Variants in SH3RF2 observed in about 807,000 individuals in gnomAD.
The protein encoded by SH3RF2 is E3 ubiquitin-protein ligase SH3RF2.
In SH3RF2, 43 loss-of-function variants were observed where a neutral mutation model predicts 59.0. The ratio of observed to expected loss-of-function variants is 0.73; its 90% CI spans 0.57 to 0.94. SH3RF2 has a LOEUF of 0.94. Among genes scored for constraint, SH3RF2 ranks in the 40% least tolerant of loss-of-function variants. The pLI is 0.00. For synonymous variants in SH3RF2, 391 were observed against 391.5 expected, an observed-to-expected ratio of 1.00 and a Z score of 0.01; for missense variants, 930 against 940.1, an observed-to-expected ratio of 0.99 and a Z score of 0.14.
chr5:145,957,252 A>C (rs1183063043), intron 2 of SH3RF2, among the ~76,000 whole-genome samples: 17 of 152,210 alleles, frequency 1.1e-4, no homozygotes, highest in Non-Finnish European at 2.9e-5. Context: ...TAATATATAA[A>C]AACAAACAAG....
chr5:145,938,324 T>G lies in SH3RF2; in HGVS notation c.378+18T>G, dbSNP rs771044787. ...TGGATGGGGTAAGAGAGATCTTATT[T>G]GCTAATATCATGTCCACATAGAGGT... is the stretch of plus-strand genomic sequence containing the variant. On this transcript the variant is annotated intron_variant, in intron 2 of 9. Transcript: ENST00000359120. 10 of 1,511,672 alleles carry G rather than the reference T, an allele frequency of 6.6e-6. No individual in the cohort carries two copies. The highest frequency in any genetic ancestry group is 8.8e-6 in the Non-Finnish European group (10 of 1,137,076). 93.6% of individuals were successfully genotyped at this position (1,511,672 alleles called of 1,614,324 possible).
At chr5:145,939,569 A>T (rs1226250581) in intron 2 of SH3RF2, among the ~76,000 whole-genome samples, 1 of 152,138 alleles carries the variant, frequency 6.6e-6, no homozygotes, top group Admixed American at 6.5e-5. Flanking sequence ...TACACCCTTG[A>T]TTTCTTCACT....
chr5:146,027,785 G>A (rs1472973652), intron 5 of SH3RF2, among the ~76,000 whole-genome samples: 2 of 152,236 alleles, frequency 1.3e-5, no homozygotes, highest in East Asian at 1.9e-4. Flanking sequence ...TCTCCTTAGC[G>A]CTGCAGCCCA....
intron 5 of SH3RF2, among the ~76,000 whole-genome samples, chr5:146,037,088 T>G (rs1761961864): frequency 6.6e-6 from 1 of 152,220 alleles, no homozygotes; most frequent in African/African-American, 2.4e-5. Flanking sequence ...ACATCTGCTT[T>G]GTATGTCTCC....
At chr5:145,948,591 C>T (rs939618608) in intron 2 of SH3RF2, among the ~76,000 whole-genome samples, 7 of 152,212 alleles carry the variant, frequency 4.6e-5, no homozygotes, top group Non-Finnish European at 1.5e-5. Flanking sequence ...CCCAGGGTGT[C>T]TGAAGAAGAC....
intron 2 of SH3RF2, among the ~76,000 whole-genome samples, chr5:145,984,184 G>A (rs1209847000): frequency 6.6e-6 from 1 of 152,082 alleles, no homozygotes; most frequent in African/African-American, 2.4e-5. Context: ...GTACTTTTTT[G>A]TTGAATGAAT....
intron 5 of SH3RF2, chr5:146,043,921 G>T (rs1252082974): frequency 6.6e-6 from 1 of 152,170 alleles, no homozygotes; most frequent in East Asian, 1.9e-4. Flanking sequence ...GAACATTCGT[G>T]TACAGGTCCT....
intron 2 of SH3RF2, among the ~76,000 whole-genome samples, chr5:145,964,586 CGT>C (rs1370960520): frequency 1.3e-5 from 2 of 152,058 alleles, no homozygotes; most frequent in African/African-American, 4.8e-5. Context: ...GGATTACGGG[CGT>C]GAGCCACCAT....
chr5:145,970,368 C>T (rs1195936007), intron 2 of SH3RF2, among the ~76,000 whole-genome samples: 1 of 152,078 alleles, frequency 6.6e-6, no homozygotes, highest in Non-Finnish European at 1.5e-5. Flanking sequence ...TGAGAACATA[C>T]AATATTTGGT....
At chr5:145,972,445 G>A (rs56944948) in intron 2 of SH3RF2, among the ~76,000 whole-genome samples, 12,899 of 152,050 alleles carry the variant, frequency 0.085, 1,860 homozygotes, top group African/African-American at 0.29. Context: ...CACCAGAACT[G>A]CTAACACCAC....
intron 2 of SH3RF2, among the ~76,000 whole-genome samples, chr5:145,968,109 A>G (rs1429887059): frequency 6.6e-6 from 1 of 152,222 alleles, no homozygotes; most frequent in Non-Finnish European, 1.5e-5. Flanking sequence ...CCTTCATCAG[A>G]TTCTCCAGAG....
At chr5:146,004,601 T>A (rs1380230528) in intron 4 of SH3RF2, among the ~76,000 whole-genome samples, 3 of 152,136 alleles carry the variant, frequency 2.0e-5, no homozygotes, top group African/African-American at 4.8e-5. Context: ...TCATTTTTTT[T>A]AAATTGTGGT....
intron 2 of SH3RF2, among the ~76,000 whole-genome samples, chr5:145,950,307 G>A (rs1305732187): frequency 6.6e-6 from 1 of 152,216 alleles, no homozygotes; most frequent in East Asian, 1.9e-4. Flanking sequence ...AGACCGGTAT[G>A]TTGTTCCCTT....
chr5:145,987,997 G>A (rs1561725666), intron 2 of SH3RF2, among the ~76,000 whole-genome samples: 3 of 152,144 alleles, frequency 2.0e-5, no homozygotes, highest in Admixed American at 1.3e-4. Context: ...ACTCAGCAAA[G>A]CCATTATACT....
intron 2 of SH3RF2, among the ~76,000 whole-genome samples, chr5:145,973,020 T>C (rs897685911): frequency 6.6e-6 from 1 of 152,146 alleles, no homozygotes; most frequent in Admixed American, 6.5e-5. Flanking sequence ...AAATGCAGTG[T>C]AATGAAGCCT....
chr5:146,027,892 C>G (rs1200143962), intron 5 of SH3RF2, among the ~76,000 whole-genome samples: 1 of 152,174 alleles, frequency 6.6e-6, no homozygotes, highest in Non-Finnish European at 1.5e-5. Flanking sequence ...CCAACCTCCC[C>G]GAGGTCCTCG....
chr5:146,036,076 CCAAA>C lies in SH3RF2; in HGVS notation c.1060-11693_1060-11690del, dbSNP rs1473038567. Among the ~76,000 whole-genome samples the C allele has an allele frequency of 3.3e-5, 5 of 152,246 alleles. No individual in the cohort carries two copies. The East Asian group carries it at 7.7e-4, about 23-fold the overall frequency. On this transcript the variant is annotated intron_variant, in intron 5 of 9. Coordinates refer to ENST00000359120, the MANE Select transcript of SH3RF2 (RefSeq NM_152550.4). Reference sequence around the variant, plus strand: ...TGAGAGGATTTAACCATAATTACTGCCAAACAGTTACTTCTTCAAGTGGACTGTT... The same window carrying C: ...TGAGAGGATTTAACCATAATTACTGCCAGTTACTTCTTCAAGTGGACTGTT...
At chr5:146,069,016 T>A (rs1763170056) in intron 9 of SH3RF2, among the ~76,000 whole-genome samples, 1 of 152,142 alleles carries the variant, frequency 6.6e-6, no homozygotes, top group Admixed American at 6.5e-5. Context: ...TCACAACCAC[T>A]ATCCTGCATC....
At chr5:145,964,740 G>A (rs1758794435) in intron 2 of SH3RF2, among the ~76,000 whole-genome samples, 1 of 152,166 alleles carries the variant, frequency 6.6e-6, no homozygotes, top group Non-Finnish European at 1.5e-5. Flanking sequence ...CATTTTGACT[G>A]TGGATCATTA....
Sources: gnomAD v4.1 joint callset for allele counts (sites outside exome capture counted in the v4.1 genomes callset) on GRCh38, gnomAD v4.1.1 for gene constraint, MANE v1.5 for transcripts, NCBI Gene and HGNC (gene_info 2026-07-23, HGNC 2026-07-21) for gene names.